MCTP1: variants seen among roughly 807,000 people sequenced by gnomAD.
The protein encoded by MCTP1 is multiple C2 and transmembrane domain containing 1, also known as multiple C2 and transmembrane domain-containing protein 1.
In MCTP1, 69 loss-of-function variants were observed where a neutral mutation model predicts 120.6. The ratio of observed to expected loss-of-function variants is 0.57; its 90% CI spans 0.47 to 0.70. The LOEUF (loss-of-function observed/expected upper bound fraction) is 0.70, where lower values mean the gene tolerates loss of function less well. Ranked by LOEUF, MCTP1 falls within the 30% of genes least tolerant of loss-of-function variation. The probability of loss-of-function intolerance (pLI) is 0.00; values close to 1 mark genes in which losing one functional copy is unlikely to be tolerated. For missense variants in MCTP1, 1,203 were observed against 1,248.8 expected, an observed-to-expected ratio of 0.96 and a Z score of 0.55; for synonymous variants, 529 against 493.1, an observed-to-expected ratio of 1.07 and a Z score of -0.96.
chr5:95,149,334 C>A (rs1760686438), intron 1 of MCTP1, among the ~76,000 whole-genome samples: 1 of 152,180 alleles, frequency 6.6e-6, no homozygotes, highest in African/African-American at 2.4e-5. Flanking sequence ...AGAGTAGGGG[C>A]TCCTCTACTG....
chr5:94,829,261 C>T (rs1047917875), intron 17 of MCTP1, among the ~76,000 whole-genome samples: 3 of 152,148 alleles, frequency 2.0e-5, no homozygotes, highest in Admixed American at 2.0e-4. Flanking sequence ...TGAGGCGACG[C>T]CCCACCCTGC....
intron 2 of MCTP1, among the ~76,000 whole-genome samples, chr5:94,993,193 C>T (rs1831948215): frequency 6.6e-6 from 1 of 152,110 alleles, no homozygotes; most frequent in Non-Finnish European, 1.5e-5. Context: ...CCTTTGAGTA[C>T]ATTTTGACAT....
chr5:95,054,450 C>T (rs774571441), intron 1 of MCTP1, among the ~76,000 whole-genome samples: 6 of 152,192 alleles, frequency 3.9e-5, no homozygotes, highest in African/African-American at 7.2e-5. Context: ...TAAAAATGGA[C>T]GAATTAAAAA....
intron 17 of MCTP1, among the ~76,000 whole-genome samples, chr5:94,842,084 C>A (rs1219484104): frequency 6.6e-6 from 1 of 152,224 alleles, no homozygotes; most frequent in Non-Finnish European, 1.5e-5. Flanking sequence ...AATTAACACA[C>A]AGTCATACGC....
intron 17 of MCTP1, among the ~76,000 whole-genome samples, chr5:94,851,245 T>C (rs1013676949): frequency 6.6e-6 from 1 of 152,036 alleles, no homozygotes; most frequent in Middle Eastern, 3.2e-3. Context: ...ATAAAGAAAT[T>C]CCAACTCTAA....
intron 1 of MCTP1, among the ~76,000 whole-genome samples, chr5:95,269,141 A>C (rs1484123170): frequency 2.0e-5 from 3 of 152,240 alleles, no homozygotes; most frequent in Non-Finnish European, 2.9e-5. Context: ...AATGTCTGCA[A>C]ATCAATTAAG....
intron 6 of MCTP1, among the ~76,000 whole-genome samples, chr5:94,924,547 A>C (rs577427205): frequency 6.6e-6 from 1 of 152,318 alleles, no homozygotes; most frequent in South Asian, 2.1e-4. Flanking sequence ...GCTGACAATA[A>C]TTTTAAAAAG....
chr5:95,092,772 C>T (rs1330806531), intron 1 of MCTP1, among the ~76,000 whole-genome samples: 3 of 152,052 alleles, frequency 2.0e-5, no homozygotes, highest in Non-Finnish European at 2.9e-5. Flanking sequence ...AAAAGAAAGG[C>T]TTTAGGCCAA....
chr5:94,782,588 C>T (rs568127250), intron 18 of MCTP1, among the ~76,000 whole-genome samples: 1 of 152,240 alleles, frequency 6.6e-6, no homozygotes, highest in South Asian at 2.1e-4. Context: ...AATTGCAACC[C>T]TTCCCAGAGA....
In MCTP1 at chr5:94,708,458, C is replaced by T. The variant is rs530309530; in HGVS notation, c.2928+54G>A. ...ATTAGAAGGATATAAAAGCTAAAACCCCATGCCACACTACATTAAAATAAT... is the reference window on the plus strand; with the variant it reads ...ATTAGAAGGATATAAAAGCTAAAACTCCATGCCACACTACATTAAAATAAT... On this transcript the variant is annotated intron_variant, in intron 22 of 22. Coordinates refer to ENST00000515393, the MANE Select transcript of MCTP1 (RefSeq NM_024717.7). The T allele has an allele frequency of 9.7e-5, 107 of 1,099,882 alleles. 2 individuals carry two copies. In the South Asian group the frequency reaches 1.3e-3, roughly 13 times the overall value. The allele number at this position is 1,099,882 out of a possible 1,614,324, so 68.1% of individuals were successfully genotyped here.
chr5:94,960,896 A>G (rs760789893), intron 2 of MCTP1, among the ~76,000 whole-genome samples: 14 of 152,208 alleles, frequency 9.2e-5, no homozygotes, highest in Non-Finnish European at 2.9e-5. Flanking sequence ...TAGAAATACC[A>G]TTTGATCCAG....
intron 20 of MCTP1, among the ~76,000 whole-genome samples, chr5:94,714,333 C>A (rs1580247205): frequency 6.6e-6 from 1 of 151,760 alleles, no homozygotes; most frequent in East Asian, 1.9e-4. Context: ...TGCAGGGTAC[C>A]ATAAATATGA....
chr5:94,819,050 G>C (rs981576171), intron 17 of MCTP1, among the ~76,000 whole-genome samples: 2 of 151,776 alleles, frequency 1.3e-5, no homozygotes, highest in Non-Finnish European at 2.9e-5. Context: ...TCTTTACCCA[G>C]TTACATAAAG....
chr5:94,721,303 C>G (rs1268094283), intron 19 of MCTP1, among the ~76,000 whole-genome samples: 2 of 152,050 alleles, frequency 1.3e-5, no homozygotes, highest in Non-Finnish European at 2.9e-5. Flanking sequence ...AAATGCAGGA[C>G]CTTCATTAAT....
intron 1 of MCTP1, among the ~76,000 whole-genome samples, chr5:95,026,071 C>A (rs1306522047): frequency 2.0e-5 from 3 of 151,946 alleles, no homozygotes. Flanking sequence ...GCCTCCTGAC[C>A]TTTTTGAAAT....
intron 1 of MCTP1, among the ~76,000 whole-genome samples, chr5:95,061,637 G>A (rs1398784719): frequency 3.3e-5 from 5 of 151,290 alleles, no homozygotes; most frequent in Non-Finnish European, 4.4e-5. Context: ...GGGTTTCACC[G>A]TGTTAGCCGG....
chr5:94,831,182 A>G (rs1788437737), intron 17 of MCTP1, among the ~76,000 whole-genome samples: 1 of 152,208 alleles, frequency 6.6e-6, no homozygotes, highest in Non-Finnish European at 1.5e-5. Context: ...TTGGAGACTG[A>G]GAGTTAAGTT....
At chr5:94,756,981 G>C (rs1210437062) in intron 19 of MCTP1, among the ~76,000 whole-genome samples, 1 of 152,106 alleles carries the variant, frequency 6.6e-6, no homozygotes, top group Non-Finnish European at 1.5e-5. Flanking sequence ...CTGTTTTAAA[G>C]TATGGGCTTT....
intron 19 of MCTP1, among the ~76,000 whole-genome samples, chr5:94,746,124 T>C (rs958575614): frequency 2.0e-5 from 3 of 152,226 alleles, no homozygotes; most frequent in African/African-American, 4.8e-5. Flanking sequence ...GAGTCATTCA[T>C]AGATACAATG....
Sources: gnomAD v4.1 joint callset for allele counts (sites outside exome capture counted in the v4.1 genomes callset) on GRCh38, gnomAD v4.1.1 for gene constraint, MANE v1.5 for transcripts, NCBI Gene and HGNC (gene_info 2026-07-23, HGNC 2026-07-21) for gene names.